The following EDEM1 variants were observed in gnomAD, a reference collection of about 807,000 sequenced individuals.
EDEM1 encodes ER degradation enhancing alpha-mannosidase like protein 1, also known as ER degradation-enhancing alpha-mannosidase-like protein 1.
EDEM1 carries 67 observed loss-of-function variants against 74.4 expected under a neutral mutation model. The observed-to-expected ratio is 0.90, with a 90% confidence interval of 0.74 to 1.10. The LOEUF is 1.10. Ranked by LOEUF, EDEM1 falls within the 50% of genes least tolerant of loss-of-function variation. The pLI, the probability that EDEM1 is intolerant of heterozygous loss-of-function variation, is 0.00. For synonymous variants in EDEM1, 382 were observed against 335.9 expected (o/e 1.14, Z -1.50); for missense variants, 926 against 851.6 (o/e 1.09, Z -1.09).
chr3:5,203,277 C>T, intron 5 of EDEM1, 128 bp downstream of exon 5: 1 of 977,600 alleles, frequency 1.0e-6, no homozygotes. Flanking sequence ...TGTGTCAGCT[C>T]TATCTAATTT....
rs1391561671 is a variant in EDEM1, at chr3:5,188,279, C to G, written c.474C>G (p.Ile158Met). Reference sequence around the variant, plus strand: ...TCCCCCAGGACGAGCTCAACCCCATCCACTGCCGCGGCCGTGGGCCCGACC... The same window carrying G: ...TCCCCCAGGACGAGCTCAACCCCATGCACTGCCGCGGCCGTGGGCCCGACC... ...HAFPQDELNP[I>M]HCRGRGPDRG... Residue 158 changes from isoleucine (I) to methionine (M), a missense_variant, in exon 1 of 12, where the codon ATC becomes ATG. Transcript: ENST00000256497. 8 of 1,548,858 alleles carry G rather than the reference C, an allele frequency of 5.2e-6. No individual in the cohort carries two copies. Among genetic ancestry groups the G allele is most frequent in the Non-Finnish European group, 7.0e-6 (8 of 1,147,574 alleles).
chr3:5,199,032 T>A (rs1209672637), intron 2 of EDEM1, among the ~76,000 whole-genome samples: 1 of 152,210 alleles, frequency 6.6e-6, no homozygotes, highest in Non-Finnish European at 1.5e-5. Context: ...TATGTTTTGT[T>A]TCTTTTAAAT....
Position 5,216,105 on chromosome 3 carries a change from A to G in EDEM1, c.*187A>G. ...TTCAGTGTTTCTCTCCTGTTCAATA[A>G]AATGCCCTGTTAAGGATATAATTTG... On this transcript the variant is annotated 3_prime_UTR_variant, in exon 12 of 12. Coordinates refer to ENST00000256497, the MANE Select transcript of EDEM1 (RefSeq NM_014674.3). 1.8e-6 allele frequency: 1 copy of G among 549,872 alleles called. No homozygotes were observed. Among genetic ancestry groups the G allele is most frequent in the Non-Finnish European group, 3.2e-6 (1 of 316,590 alleles). The allele number at this position is 549,872 out of a possible 1,614,324, so 34.1% of individuals were successfully genotyped here.
At chr3:5,202,014 A>G in intron 4 of EDEM1, 90 bp downstream of exon 4, 1 of 1,453,062 alleles carries the variant, frequency 6.9e-7, no homozygotes, top group African/African-American at 1.4e-5. Context: ...TGGGAGAAGG[A>G]ATGGGATGGA....
chr3:5,195,067 C>A, intron 1 of EDEM1, 142 bp from the exon 2 acceptor site: 1 of 450,760 alleles, frequency 2.2e-6, no homozygotes, highest in African/African-American at 2.0e-5. Flanking sequence ...GGTAGAAAGA[C>A]CTTTGCTGTA....
chr3:5,211,300 T>C (rs1479715131), intron 10 of EDEM1, 84 bp downstream of exon 10: 1 of 1,321,686 alleles, frequency 7.6e-7, no homozygotes, highest in African/African-American at 1.4e-5. Context: ...GACAGGTACT[T>C]ACTGGCTAAA....
Position 5,207,414 on chromosome 3 carries a change from CTGTT to C in EDEM1, c.1338+144_1338+147del, listed in dbSNP as rs1434182199. 8 of 1,231,666 alleles carry C rather than the reference CTGTT, an allele frequency of 6.5e-6. No individual in the cohort carries two copies. The Admixed American group carries it at 1.4e-4, about 22-fold the overall frequency. The allele number at this position is 1,231,666 out of a possible 1,614,324, so 76.3% of individuals were successfully genotyped here. On this transcript the variant is annotated intron_variant, in intron 7 of 11. Coordinates refer to ENST00000256497, the MANE Select transcript of EDEM1 (RefSeq NM_014674.3). The stretch of plus-strand genomic sequence containing the variant: ...ACTGACACTATACGTCTTCATCTCT[CTGTT>C]TGAGAAATTAGTCTCCAGAATATTG...
At chr3:5,198,794 T>G (rs1036913409) in intron 2 of EDEM1, among the ~76,000 whole-genome samples, 1 of 152,026 alleles carries the variant, frequency 6.6e-6, no homozygotes, top group Non-Finnish European at 1.5e-5. Flanking sequence ...TCCCAGAAAT[T>G]TATTTTTCTA....
chr3:5,195,608 C>G (rs2054956581), intron 2 of EDEM1, among the ~76,000 whole-genome samples: 1 of 152,114 alleles, frequency 6.6e-6, no homozygotes, highest in Non-Finnish European at 1.5e-5. Flanking sequence ...ATAGTCGTTG[C>G]TATTCCAGGA....
intron 9 of EDEM1, 69 bp downstream of exon 9, chr3:5,210,317 AT>A: frequency 2.1e-6 from 3 of 1,421,436 alleles, no homozygotes; most frequent in Non-Finnish European, 3.0e-6. Flanking sequence ...TTTTGGGGAA[AT>A]ATCCTAGTTT....
intron 6 of EDEM1, among the ~76,000 whole-genome samples, chr3:5,205,876 G>T (rs543319523): frequency 1.3e-5 from 2 of 151,972 alleles, no homozygotes; most frequent in African/African-American, 4.8e-5. Flanking sequence ...CTGTGCAAGC[G>T]TGTGGCTCGC....
intron 6 of EDEM1, among the ~76,000 whole-genome samples, chr3:5,206,602 T>G (rs1575589665): frequency 6.6e-6 from 1 of 152,324 alleles, no homozygotes; most frequent in East Asian, 1.9e-4. Flanking sequence ...TTGGGTCCAT[T>G]TCTACATTGC....
At chr3:5,200,420 T>C (rs998760479) in intron 3 of EDEM1, among the ~76,000 whole-genome samples, 1 of 152,226 alleles carries the variant, frequency 6.6e-6, no homozygotes, top group Non-Finnish European at 1.5e-5. Flanking sequence ...TTTTAGTATA[T>C]TTCTTTGTTA....
rs201919825 is a variant in EDEM1 at position 5,188,704 on chromosome 3, G to GC, written c.509+396dup. 6.7e-3 allele frequency among the ~76,000 whole-genome samples: 1,016 copies of GC among 152,274 alleles called. 5 individuals are homozygous for GC. Among genetic ancestry groups the GC allele is most frequent in the Non-Finnish European group, 0.011 (740 of 68,022 alleles). On this transcript the variant is annotated intron_variant, in intron 1 of 11. Coordinates refer to ENST00000256497, the MANE Select transcript of EDEM1 (RefSeq NM_014674.3). ...AAACTCTAAATGAAATCTCCATCAT[G>GC]CCCCCCGTGTAAACGCAGCCTCAGA...
intron 1 of EDEM1, among the ~76,000 whole-genome samples, chr3:5,190,588 T>C (rs1383945492): frequency 6.6e-6 from 1 of 152,220 alleles, no homozygotes; most frequent in Non-Finnish European, 1.5e-5. Flanking sequence ...TTTGGTTTGG[T>C]TATGCATTGG....
chr3:5,196,278 G>C (rs929155515), intron 2 of EDEM1, among the ~76,000 whole-genome samples: 1 of 152,176 alleles, frequency 6.6e-6, no homozygotes. Context: ...CCAACATGGT[G>C]AAACCCCTTC....
Position 5,187,774 on chromosome 3 carries a change from T to A in EDEM1, c.-32T>A. On this transcript the variant is annotated 5_prime_UTR_variant, in exon 1 of 12. Coordinates refer to ENST00000256497, the MANE Select transcript of EDEM1 (RefSeq NM_014674.3). ...GTGGTCGGCGGGGAGGCCCCCGCGC[T>A]TTAAAATAATGCCCGCGGCGCCCGC... The A allele has an allele frequency of 6.6e-7, 1 of 1,526,674 alleles. No individual in the cohort carries two copies. The highest frequency in any genetic ancestry group is 8.8e-7 in the Non-Finnish European group (1 of 1,137,548). The allele number at this position is 1,526,674 out of a possible 1,614,324, so 94.6% of individuals were successfully genotyped here. A position where few individuals can be genotyped will look rare whatever the true frequency, so the allele number is the denominator to read the frequency against.
rs1160819751 is a variant in EDEM1, at chr3:5,219,773, A to G, written c.*3855A>G. The G allele has an allele frequency of 6.5e-6, 1 of 152,688 alleles. No homozygotes were observed. Among genetic ancestry groups the G allele is most frequent in the African/African-American group, 2.4e-5 (1 of 41,468 alleles). 9.5% of individuals were successfully genotyped at this position (152,688 alleles called of 1,614,324 possible). ...CACAAATGCTTCTCTGTAATGTGCA[A>G]TATGCTTTGCAACTGTAGATGATAT... is the stretch of plus-strand genomic sequence containing the variant. On this transcript the variant is annotated 3_prime_UTR_variant, in exon 12 of 12. Transcript: ENST00000256497.
At chr3:5,197,833 T>C (rs371728889) in intron 2 of EDEM1, among the ~76,000 whole-genome samples, 3 of 152,362 alleles carry the variant, frequency 2.0e-5, no homozygotes, top group South Asian at 4.1e-4. Flanking sequence ...CTGTACTTAC[T>C]CTGTAGGTTA....
Sources: gnomAD v4.1 joint callset for allele counts (sites outside exome capture counted in the v4.1 genomes callset) on GRCh38, gnomAD v4.1.1 for gene constraint, MANE v1.5 for transcripts, NCBI Gene and HGNC (gene_info 2026-07-23, HGNC 2026-07-21) for gene names.